Variants in CELF4 observed in about 807,000 individuals in gnomAD.
CELF4 encodes CUGBP Elav-like family member 4, also known as CUG-BP- and ETR-3-like factor 4.
CELF4 carries 18 observed loss-of-function variants against 59.9 expected under a neutral mutation model. The observed-to-expected ratio is 0.30, with a 90% CI of 0.21 to 0.45. CELF4 has a LOEUF of 0.45. Ranked by LOEUF, CELF4 falls within the 20% of genes least tolerant of loss-of-function variation. The pLI, the probability that CELF4 is intolerant of heterozygous loss-of-function variation, is 1.00. For missense variants in CELF4, 456 were observed against 689.0 expected, an observed-to-expected ratio of 0.66 and a Z score of 3.79; for synonymous variants, 261 against 267.1, an observed-to-expected ratio of 0.98 and a Z score of 0.22.
At chr18:37,390,205 G>C (rs1438824699) in intron 2 of CELF4, among the ~76,000 whole-genome samples, 4 of 152,188 alleles carry the variant, frequency 2.6e-5, no homozygotes, top group Non-Finnish European at 4.4e-5. Flanking sequence ...CTGCAGCGTG[G>C]GTTATGGAGG....
chr18:37,292,769 G>A (rs747814896), intron 3 of CELF4, among the ~76,000 whole-genome samples: 6 of 152,088 alleles, frequency 3.9e-5, no homozygotes, highest in Admixed American at 3.3e-4. Context: ...TTCATCTCCC[G>A]CTGCAAGGTG....
chr18:37,378,617 C>A (rs951374875), intron 2 of CELF4, among the ~76,000 whole-genome samples: 2 of 152,186 alleles, frequency 1.3e-5, no homozygotes, highest in Non-Finnish European at 2.9e-5. Context: ...ATGAAATAAA[C>A]ACATATATAT....
chr18:37,564,506 G>A (rs1035943059), intron 1 of CELF4, among the ~76,000 whole-genome samples: 1 of 152,034 alleles, frequency 6.6e-6, no homozygotes, highest in African/African-American at 2.4e-5. Context: ...GGCAATGATC[G>A]CTTCAAGGGA....
At chr18:37,323,308 C>A (rs1188203422) in intron 2 of CELF4, among the ~76,000 whole-genome samples, 1 of 152,064 alleles carries the variant, frequency 6.6e-6, no homozygotes, top group South Asian at 2.1e-4. Flanking sequence ...TGTTCACCAC[C>A]AGGTCCCCAC....
intron 1 of CELF4, among the ~76,000 whole-genome samples, chr18:37,524,818 GC>G (rs1393991970): frequency 6.6e-6 from 1 of 152,104 alleles, no homozygotes; most frequent in Non-Finnish European, 1.5e-5. Context: ...CCGCGCCCCG[GC>G]CGCGGCTCCC....
At chr18:37,496,188 G>A (rs1464927272) in intron 1 of CELF4, among the ~76,000 whole-genome samples, 5 of 152,146 alleles carry the variant, frequency 3.3e-5, no homozygotes, top group Non-Finnish European at 5.9e-5. Flanking sequence ...GGTCTCCTTC[G>A]AAAATGTCTG....
intron 2 of CELF4, among the ~76,000 whole-genome samples, chr18:37,335,412 G>A (rs1363722813): frequency 1.3e-5 from 2 of 152,074 alleles, no homozygotes; most frequent in African/African-American, 4.8e-5. Flanking sequence ...AGGAGTGTGG[G>A]AGGTGTGTGT....
intron 2 of CELF4, among the ~76,000 whole-genome samples, chr18:37,329,786 T>C (rs760911287): frequency 2.6e-4 from 39 of 152,354 alleles, no homozygotes; most frequent in Non-Finnish European, 1.5e-4. Context: ...AATTTCAAGA[T>C]GGAGACTGCA....
At chr18:37,322,559 C>G (rs1203714814) in intron 2 of CELF4, among the ~76,000 whole-genome samples, 3 of 152,190 alleles carry the variant, frequency 2.0e-5, no homozygotes, top group African/African-American at 7.2e-5. Context: ...CTCCCCTAGC[C>G]GCCGGCCTCT....
At chr18:37,462,696 G>T (rs2099797058) in intron 2 of CELF4, among the ~76,000 whole-genome samples, 1 of 152,168 alleles carries the variant, frequency 6.6e-6, no homozygotes, top group South Asian at 2.1e-4. Context: ...GAAGTAAAAG[G>T]GCAGTGTGCA....
chr18:37,489,303 C>T (rs1367048052), intron 1 of CELF4, among the ~76,000 whole-genome samples: 1 of 152,232 alleles, frequency 6.6e-6, no homozygotes, highest in African/African-American at 2.4e-5. Context: ...CCAGTCTGCT[C>T]CCTGGCTGAG....
At chr18:37,257,657 C>T (rs543261796) in intron 11 of CELF4, among the ~76,000 whole-genome samples, 47 of 152,298 alleles carry the variant, frequency 3.1e-4, no homozygotes, top group Non-Finnish European at 5.3e-4. Flanking sequence ...GCACTCCTGT[C>T]TCCTCTCCCC....
At chr18:37,348,025 C>A (rs2098327804) in intron 2 of CELF4, among the ~76,000 whole-genome samples, 1 of 152,168 alleles carries the variant, frequency 6.6e-6, no homozygotes, top group South Asian at 2.1e-4. Flanking sequence ...GGGCCTGGTG[C>A]CTGAGGTCAG....
chr18:37,464,011 C>A (rs1051972745), intron 2 of CELF4, among the ~76,000 whole-genome samples: 3 of 152,200 alleles, frequency 2.0e-5, no homozygotes, highest in African/African-American at 7.2e-5. Context: ...CAGGCCCCTC[C>A]TCCTGACCCC....
rs2154568491 is a variant in CELF4 at position 37,379,085 on chromosome 18, G to A, written c.370-57204C>T. Among the ~76,000 whole-genome samples, 2 of 152,306 alleles carry A rather than the reference G, an allele frequency of 1.3e-5. 1 individual carries two copies. The highest frequency in any genetic ancestry group is 4.1e-4 in the South Asian group (2 of 4,824). ...TTGTCCTGCTTAGGCTAGGAGATGAGCCTCCCTGCAGACCTTAGCAAGGTG... is the reference window on the plus strand; with the variant it reads ...TTGTCCTGCTTAGGCTAGGAGATGAACCTCCCTGCAGACCTTAGCAAGGTG... On this transcript the variant is annotated intron_variant, in intron 2 of 12. Transcript: ENST00000420428.
intron 2 of CELF4, among the ~76,000 whole-genome samples, chr18:37,340,761 A>T (rs1296287116): frequency 1.3e-5 from 2 of 152,240 alleles, no homozygotes; most frequent in African/African-American, 2.4e-5. Flanking sequence ...TGACAATGAC[A>T]GTGAATCACA....
At chr18:37,419,397 C>T (rs184297268) in intron 2 of CELF4, among the ~76,000 whole-genome samples, 8 of 152,242 alleles carry the variant, frequency 5.3e-5, no homozygotes, top group South Asian at 2.1e-4. Context: ...CAGGAAAAGA[C>T]GCAGGAGAGA....
chr18:37,509,667 C>A (rs1196100930), intron 1 of CELF4, among the ~76,000 whole-genome samples: 1 of 152,154 alleles, frequency 6.6e-6, no homozygotes, highest in African/African-American at 2.4e-5. Flanking sequence ...TAGGTATATG[C>A]CCCAAAGAAT....
chr18:37,294,113 A>G (rs2095503767), intron 3 of CELF4, among the ~76,000 whole-genome samples: 1 of 152,106 alleles, frequency 6.6e-6, no homozygotes. Context: ...CTGTACTTCC[A>G]CTGTGGCACG....
Sources: allele counts gnomAD v4.1 joint callset (sites outside exome capture counted in the v4.1 genomes callset), GRCh38; gene constraint gnomAD v4.1.1; transcripts MANE v1.5; gene names NCBI Gene and HGNC (gene_info 2026-07-23, HGNC 2026-07-21).